Variants in EPHA6 observed in about 807,000 individuals in gnomAD.
The protein encoded by EPHA6 is EPH receptor A6, also known as ephrin type-A receptor 6.
A neutral mutation model predicts 112.0 loss-of-function variants in EPHA6; 50 were observed. That is an observed-to-expected ratio of 0.45 (90% CI 0.36 to 0.56). The LOEUF is 0.56. EPHA6 is among the 20% of genes least tolerant of loss of function. EPHA6 has a pLI of 0.00. For missense variants in EPHA6, 1,280 were observed against 1,417.4 expected (o/e 0.90, Z 1.56); for synonymous variants, 529 against 490.7 (o/e 1.08, Z -1.03).
Position 97,175,422 on chromosome 3 carries a change from A to G in EPHA6, c.1115-50842A>G, listed in dbSNP as rs113757654. Reference sequence around the variant, plus strand: ...CAGAAATTTTAGGCTTACTTTTTCTATATCTGAAGGTCATTGGTAGTTTGA... The same window carrying G: ...CAGAAATTTTAGGCTTACTTTTTCTGTATCTGAAGGTCATTGGTAGTTTGA... On this transcript the variant is annotated intron_variant, in intron 3 of 17. Coordinates refer to ENST00000389672, the MANE Select transcript of EPHA6 (RefSeq NM_001080448.3). Among the ~76,000 whole-genome samples the G allele has an allele frequency of 3.3e-3, 504 of 151,680 alleles. 2 individuals carry two copies. The highest frequency in any genetic ancestry group is 0.011 in the African/African-American group (453 of 41,474).
intron 10 of EPHA6, among the ~76,000 whole-genome samples, chr3:97,521,248 G>T (rs768942017): frequency 2.0e-5 from 3 of 151,308 alleles, no homozygotes; most frequent in Non-Finnish European, 2.9e-5. Context: ...TCCTTTGGAG[G>T]TGTCATATTT....
intron 5 of EPHA6, among the ~76,000 whole-genome samples, chr3:97,245,971 C>T (rs557255442): frequency 6.6e-6 from 1 of 152,044 alleles, no homozygotes; most frequent in East Asian, 1.9e-4. Flanking sequence ...AAAGCAAAGC[C>T]ATATAATATT....
chr3:97,490,947 G>A (rs1468509886), intron 10 of EPHA6, among the ~76,000 whole-genome samples: 1 of 152,134 alleles, frequency 6.6e-6, no homozygotes, highest in African/African-American at 2.4e-5. Flanking sequence ...GAGGGTTGTT[G>A]CACAGACAGT....
intron 10 of EPHA6, among the ~76,000 whole-genome samples, chr3:97,515,793 G>A (rs1249808904): frequency 6.6e-6 from 1 of 151,956 alleles, no homozygotes; most frequent in Non-Finnish European, 1.5e-5. Context: ...TATATTTAGA[G>A]GCATGCTTTA....
At chr3:97,536,334 TATG>T (rs2092763511) in intron 11 of EPHA6, among the ~76,000 whole-genome samples, 1 of 152,164 alleles carries the variant, frequency 6.6e-6, no homozygotes, top group Non-Finnish European at 1.5e-5. Context: ...AGTTTGAATT[TATG>T]ATGATGGAAG....
intron 13 of EPHA6, among the ~76,000 whole-genome samples, chr3:97,626,752 T>C (rs1328057191): frequency 6.6e-6 from 1 of 151,836 alleles, no homozygotes; most frequent in Non-Finnish European, 1.5e-5. Flanking sequence ...AAACTATTAG[T>C]AGCTTAAAAT....
intron 1 of EPHA6, among the ~76,000 whole-genome samples, chr3:96,832,861 TAAACTATG>T (rs2034175851): frequency 6.6e-6 from 1 of 151,974 alleles, no homozygotes; most frequent in Non-Finnish European, 1.5e-5. Context: ...TGCAGTAGTA[TAAACTATG>T]AGTTTTTGAG....
At chr3:97,584,455 C>G (rs1264743312) in intron 11 of EPHA6, among the ~76,000 whole-genome samples, 1 of 152,182 alleles carries the variant, frequency 6.6e-6, no homozygotes, top group Non-Finnish European at 1.5e-5. Flanking sequence ...AGAGCTTTCA[C>G]CTTTCAGTAC....
chr3:97,118,559 T>C (rs913990425), intron 3 of EPHA6, among the ~76,000 whole-genome samples: 3 of 151,832 alleles, frequency 2.0e-5, no homozygotes, highest in African/African-American at 7.2e-5. Flanking sequence ...ATTAGTTCCT[T>C]TTCTGTTTTT....
At chr3:96,993,425 T>C (rs1043228208) in intron 3 of EPHA6, among the ~76,000 whole-genome samples, 1 of 151,880 alleles carries the variant, frequency 6.6e-6, no homozygotes, top group Non-Finnish European at 1.5e-5. Context: ...GCCTCCTGAG[T>C]AACTGAGATT....
intron 11 of EPHA6, among the ~76,000 whole-genome samples, chr3:97,554,990 T>A (rs909812162): frequency 2.6e-5 from 4 of 151,922 alleles, no homozygotes; most frequent in Non-Finnish European, 5.9e-5. Context: ...GCTGGTTGGT[T>A]ACATATGTAT....
intron 16 of EPHA6, among the ~76,000 whole-genome samples, chr3:97,746,184 C>T (rs1318726487): frequency 2.0e-5 from 3 of 151,678 alleles, no homozygotes; most frequent in African/African-American, 7.3e-5. Context: ...CTTCAATATT[C>T]CAATAAAAAT....
chr3:97,311,817 C>CAAAACAA (rs147649800), intron 5 of EPHA6, among the ~76,000 whole-genome samples: 17 of 151,302 alleles, frequency 1.1e-4, no homozygotes, highest in African/African-American at 3.6e-4. Context: ...CAAAACAAAA[C>CAAAACAA]AAAATATATT....
At chr3:97,694,734 T>C (rs1472018148) in intron 14 of EPHA6, among the ~76,000 whole-genome samples, 1 of 152,258 alleles carries the variant, frequency 6.6e-6, no homozygotes, top group African/African-American at 2.4e-5. Flanking sequence ...TTCCATTGTA[T>C]AGTGTCAGAG....
intron 14 of EPHA6, among the ~76,000 whole-genome samples, chr3:97,662,883 A>G (rs1022261833): frequency 6.6e-6 from 1 of 152,172 alleles, no homozygotes; most frequent in Non-Finnish European, 1.5e-5. Context: ...TCCAATATGC[A>G]TGTACTGCAA....
intron 2 of EPHA6, among the ~76,000 whole-genome samples, chr3:96,890,636 T>C (rs1188548583): frequency 6.6e-6 from 1 of 152,182 alleles, no homozygotes. Context: ...GAATTTTCAA[T>C]ATGCACATAA....
chr3:97,297,289 T>C (rs542402451), intron 5 of EPHA6, among the ~76,000 whole-genome samples: 14 of 152,324 alleles, frequency 9.2e-5, no homozygotes, highest in African/African-American at 3.4e-4. Flanking sequence ...CCTGTCATGT[T>C]TCTATTCAAT....
chr3:97,510,974 C>T (rs2107590193), intron 10 of EPHA6, among the ~76,000 whole-genome samples: 1 of 152,344 alleles, frequency 6.6e-6, no homozygotes, highest in East Asian at 1.9e-4. Flanking sequence ...TTCCCAGCAG[C>T]TTTGTTTACA....
chr3:97,444,694 GC>G (rs1194115698), intron 6 of EPHA6, among the ~76,000 whole-genome samples: 2 of 152,062 alleles, frequency 1.3e-5, no homozygotes, highest in Non-Finnish European at 2.9e-5. Context: ...ATTGATACAG[GC>G]CCTGTTATCT....
Sources: allele counts gnomAD v4.1 joint callset (sites outside exome capture counted in the v4.1 genomes callset), GRCh38; gene constraint gnomAD v4.1.1; transcripts MANE v1.5; gene names NCBI Gene and HGNC (gene_info 2026-07-23, HGNC 2026-07-21).